AHRR: variants seen among roughly 807,000 people sequenced by gnomAD.
The protein encoded by AHRR is ahR repressor.
A neutral mutation model predicts 44.0 loss-of-function variants in AHRR; 28 were observed. The observed-to-expected ratio is 0.64, with a 90% confidence interval of 0.47 to 0.87. AHRR has a LOEUF of 0.87. Ranked by LOEUF, AHRR falls within the 40% of genes least tolerant of loss-of-function variation. The pLI, the probability that AHRR is intolerant of heterozygous loss-of-function variation, is 0.00. For synonymous variants in AHRR, 434 were observed against 407.0 expected, an observed-to-expected ratio of 1.07 and a Z score of -0.80; for missense variants, 990 against 953.9, an observed-to-expected ratio of 1.04 and a Z score of -0.50.
chr5:407,429 A>G (rs1735308397), intron 4 of AHRR, among the ~76,000 whole-genome samples: 1 of 152,120 alleles, frequency 6.6e-6, no homozygotes, highest in African/African-American at 2.4e-5. Flanking sequence ...GTTTTTGTAA[A>G]CGGGGCTTTC....
At chr5:331,925 A>T (rs991876650) in intron 1 of AHRR, among the ~76,000 whole-genome samples, 2 of 152,220 alleles carry the variant, frequency 1.3e-5, no homozygotes, top group Non-Finnish European at 2.9e-5. Context: ...CCAGTACATG[A>T]TGCCAAAAAG....
chr5:332,929 C>CTTTTTTTTTTTTT lies in AHRR; in HGVS notation c.-10-10957_-10-10945dup, dbSNP rs57937804. On this transcript the variant is annotated intron_variant, in intron 1 of 10. Coordinates refer to ENST00000684583, the MANE Select transcript of AHRR (RefSeq NM_001377236.1). ...TCATTATATAATAAATGACCTTTGT[C>CTTTTTTTTTTTTT]TTTTTTTTTTTTTTTTTTTACTGTT... Among the ~76,000 whole-genome samples, 132 of 132,002 alleles carry CTTTTTTTTTTTTT rather than the reference C, an allele frequency of 1.0e-3. 1 individual carries two copies. The highest frequency in any genetic ancestry group is 3.8e-3 in the African/African-American group (125 of 33,026). 86.6% of individuals were successfully genotyped at this position (132,002 alleles called of 152,430 possible). A position where few individuals can be genotyped will look rare whatever the true frequency, so the allele number is the denominator to read the frequency against.
chr5:405,454 C>G lies in AHRR; in HGVS notation c.352-7890C>G, dbSNP rs1185837196. On this transcript the variant is annotated intron_variant, in intron 4 of 10. Coordinates refer to ENST00000684583, the MANE Select transcript of AHRR (RefSeq NM_001377236.1). This position sits in a 1 kb window ranked among gnomAD's most constrained non-coding sequence, Gnocchi z 4.5. ...GTGGAGCAGCCTATGGTGTTGCCCGCTGTTTTGTTGTGACAGCTGGGCAGG... is the reference window on the plus strand; with the variant it reads ...GTGGAGCAGCCTATGGTGTTGCCCGGTGTTTTGTTGTGACAGCTGGGCAGG... Among the ~76,000 whole-genome samples the G allele has an allele frequency of 6.6e-6, 1 of 152,200 alleles. No homozygotes were observed. The highest frequency in any genetic ancestry group is 1.5e-5 in the Non-Finnish European group (1 of 68,044).
chr5:407,588 G>A (rs2126504298), intron 4 of AHRR, among the ~76,000 whole-genome samples: 1 of 152,272 alleles, frequency 6.6e-6, no homozygotes, highest in South Asian at 2.1e-4. Context: ...TGCCCAGGCT[G>A]GAGTGTAATG....
chr5:403,786 T>G, intron 4 of AHRR: 1 of 1,536,336 alleles, frequency 6.5e-7, no homozygotes, highest in Non-Finnish European at 9.0e-7. Context: ...GTTCAAAGGG[T>G]CTCTTTCCTG....
chr5:327,173 T>A (rs576767005), intron 1 of AHRR, among the ~76,000 whole-genome samples: 6 of 152,260 alleles, frequency 3.9e-5, no homozygotes, highest in Non-Finnish European at 7.3e-5. Context: ...CATGTTTTCA[T>A]GCGTTGAACA....
In AHRR at chr5:369,659, G is replaced by A. The variant is rs9688042; in HGVS notation, c.245-6951G>A. Among the ~76,000 whole-genome samples the A allele has an allele frequency of 6.9e-3, 1,048 of 152,306 alleles. 13 individuals are homozygous for A. The highest frequency in any genetic ancestry group is 0.024 in the African/African-American group (1,003 of 41,558). ...CGCTCTGGCACAGAGTGTCTGTCCC[G>A]AGTGCTTCCTCTAAACCTTTCCTGT... On this transcript the variant is annotated intron_variant, in intron 3 of 10. Transcript: ENST00000684583.
At chr5:426,396 A>C (rs1736392023) in intron 7 of AHRR, among the ~76,000 whole-genome samples, 1 of 145,028 alleles carries the variant, frequency 6.9e-6, no homozygotes, top group African/African-American at 2.5e-5. Flanking sequence ...AGATGGATGA[A>C]TGGATGGATG....
At position 438,282 on chromosome 5, in the gene AHRR, A is replaced by G. The variant is rs1207664619; in HGVS notation, c.*3448A>G. 2 of 152,388 alleles carry G rather than the reference A, an allele frequency of 1.3e-5. No homozygotes were observed. Among genetic ancestry groups the G allele is most frequent in the Non-Finnish European group, 2.9e-5 (2 of 68,048 alleles). 9.4% of individuals were successfully genotyped at this position (152,388 alleles called of 1,614,324 possible). On this transcript the variant is annotated 3_prime_UTR_variant, in exon 11 of 11. Transcript: ENST00000684583. ...ATGACATGCTAGTACATGTTTAACA[A>G]AAATTTAAATGTTTGCGGAAGTCTG...
chr5:391,339 G>GCAGGGCCAGAGCGTGCA (rs1734418431), intron 4 of AHRR, among the ~76,000 whole-genome samples: 1 of 130,514 alleles, frequency 7.7e-6, no homozygotes, highest in African/African-American at 2.8e-5. Context: ...GCAGGGCGAG[G>GCAGGGCCAGAGCGTGCA]CGGGCGCAGG....
chr5:403,184 G>C (rs954543904), intron 4 of AHRR, among the ~76,000 whole-genome samples: 1 of 152,162 alleles, frequency 6.6e-6, no homozygotes, highest in African/African-American at 2.4e-5. Flanking sequence ...GGCAGAAAGC[G>C]GGTGGGACGT....
chr5:402,663 C>T (rs937822942), intron 4 of AHRR, among the ~76,000 whole-genome samples: 1 of 151,822 alleles, frequency 6.6e-6, no homozygotes, highest in African/African-American at 2.4e-5. Flanking sequence ...CGCAGCAGCC[C>T]CCCTGCTGGG....
chr5:384,675 G>A (rs1734102547), intron 4 of AHRR, among the ~76,000 whole-genome samples: 1 of 152,070 alleles, frequency 6.6e-6, no homozygotes, highest in Non-Finnish European at 1.5e-5. Context: ...GCCTGCCTAG[G>A]CCTTGCAAAG....
In AHRR at chr5:434,315, G is replaced by A. The variant is rs111334085; in HGVS notation, c.1575G>A (p.Pro525=). 1,223 of 1,611,080 alleles carry A rather than the reference G, an allele frequency of 7.6e-4. 4 individuals carry two copies. Among genetic ancestry groups the A allele is most frequent in the African/African-American group, 7.1e-3 (533 of 74,992 alleles). ...TGCCTCCGGGGGACCTGTGTGGTCCGACGCTGCTGCTAGATGTGTCCATCA... is the reference window on the plus strand; with the variant it reads ...TGCCTCCGGGGGACCTGTGTGGTCCAACGCTGCTGCTAGATGTGTCCATCA... The part of the protein sequence containing the change: ...VPMPPGDLCG[P]TLLLDVSIKM... The change falls in exon 11 of 11, where the codon CCG becomes CCA. Residue 525 remains proline (P), a synonymous_variant. Transcript: ENST00000684583.
At chr5:420,270 A>ATG (rs1215826149) in intron 5 of AHRR, among the ~76,000 whole-genome samples, 1 of 152,248 alleles carries the variant, frequency 6.6e-6, no homozygotes, top group Non-Finnish European at 1.5e-5. Context: ...ATAGAACAGG[A>ATG]TGGGATGGAA....
Position 434,288 on chromosome 5 carries a change from G to A in AHRR, c.1548G>A (p.Pro516=), listed in dbSNP as rs576906676. 1.4e-5 allele frequency: 22 copies of A among 1,607,968 alleles called. No homozygotes were observed. Among genetic ancestry groups the A allele is most frequent in the South Asian group, 7.8e-5 (7 of 90,126 alleles). ...AGGACATGAAGCTGCAAGGTGTACC[G>A]ATGCCTCCGGGGGACCTGTGTGGTC... ...PMEDMKLQGV[P]MPPGDLCGPT... Residue 516 remains proline (P), a synonymous_variant, in exon 11 of 11, where the codon CCG becomes CCA. Transcript: ENST00000684583.
intron 1 of AHRR, among the ~76,000 whole-genome samples, chr5:328,682 T>C (rs1439282857): frequency 1.3e-5 from 2 of 152,232 alleles, no homozygotes; most frequent in African/African-American, 4.8e-5. Context: ...TCTCTTCTTT[T>C]AAAAACTGTC....
rs369269468 is a variant in AHRR at position 353,899 on chromosome 5, A to T, written c.232A>T (p.Ser78Cys). The T allele has an allele frequency of 1.9e-6, 3 of 1,613,106 alleles. No individual in the cohort carries two copies. In the African/African-American group the frequency reaches 4.0e-5, roughly 22 times the overall value. Residue 78 changes from serine to cysteine, a missense_variant, in exon 3 of 11, where the codon AGC (serine) becomes TGC (cysteine). By Grantham distance (112) the Ser-to-Cys change is moderately radical. Transcript: ENST00000684583. The part of the protein sequence containing the change: ...RLSVSYLRVK[S>C]FFQVVQEQSS... ...CAGTGTCAGTTACCTCCGGGTGAAG[A>T]GCTTCTTCCAAGGTAGGACTCTCAC...
rs539592284 is a variant in AHRR at position 422,161 on chromosome 5, G to A, written c.442-568G>A. Among the ~76,000 whole-genome samples, 13 of 152,292 alleles carry A rather than the reference G, an allele frequency of 8.5e-5. No homozygotes were observed. The East Asian group carries it at 2.1e-3, about 25-fold the overall frequency. Reference sequence around the variant, plus strand: ...CCCTTGAAGTCAGTCTTCGTGGCCCGCAGTGTCAGCCTCTGTCGCCAGACA... The same window carrying A: ...CCCTTGAAGTCAGTCTTCGTGGCCCACAGTGTCAGCCTCTGTCGCCAGACA... On this transcript the variant is annotated intron_variant, in intron 5 of 10. Transcript: ENST00000684583.
Sources: gnomAD v4.1 joint callset for allele counts (sites outside exome capture counted in the v4.1 genomes callset) on GRCh38, gnomAD v4.1.1 for gene constraint, Gnocchi (gnomAD v3.1) non-coding constraint, MANE v1.5 for transcripts, NCBI Gene and HGNC (gene_info 2026-07-23, HGNC 2026-07-21) for gene names.